RNF11: variants seen among roughly 807,000 people sequenced by gnomAD.
The protein encoded by RNF11 is ring finger protein 11.
Under a neutral mutation model 15.8 loss-of-function variants are expected in RNF11, and 4 were observed. The observed-to-expected ratio is 0.25, with a 90% confidence interval of 0.12 to 0.58. The LOEUF (loss-of-function observed/expected upper bound fraction) is 0.58. Ranked by LOEUF, RNF11 falls within the 20% of genes least tolerant of loss-of-function variation. The pLI is 0.91. For missense variants in RNF11, 139 were observed against 194.4 expected (o/e 0.71, Z 1.70); for synonymous variants, 68 against 72.3 (o/e 0.94, Z 0.30).
chr1:51,260,563 C>A (rs950198745), intron 1 of RNF11, among the ~76,000 whole-genome samples: 1 of 152,122 alleles, frequency 6.6e-6, no homozygotes, highest in African/African-American at 2.4e-5. Flanking sequence ...TTATTAGATA[C>A]GTTATTATAC....
At chr1:51,241,325 C>G (rs1035778143) in intron 1 of RNF11, among the ~76,000 whole-genome samples, 7 of 152,150 alleles carry the variant, frequency 4.6e-5, no homozygotes, top group African/African-American at 1.7e-4. Context: ...AGGGCAGTAG[C>G]TATTCACAGG....
intron 2 of RNF11, 72 bp downstream of exon 2, chr1:51,270,197 C>T: frequency 8.8e-7 from 1 of 1,141,226 alleles, no homozygotes; most frequent in Non-Finnish European, 1.3e-6. Flanking sequence ...GCCTTTTCTC[C>T]TGCACTTTAG....
At chr1:51,257,940 G>A (rs1646912872) in intron 1 of RNF11, among the ~76,000 whole-genome samples, 1 of 130,404 alleles carries the variant, frequency 7.7e-6, no homozygotes, top group African/African-American at 2.9e-5. Flanking sequence ...TGAAACCTCC[G>A]CCTCCCAGGG....
At chr1:51,236,900 G>C (rs146277042) in intron 1 of RNF11, 21 bp downstream of exon 1, 58 of 1,598,638 alleles carry the variant, frequency 3.6e-5, no homozygotes, top group African/African-American at 9.4e-5. Flanking sequence ...GTGTGTGTTG[G>C]GGGGAGCGAG....
intron 1 of RNF11, among the ~76,000 whole-genome samples, chr1:51,268,762 T>C (rs933781432): frequency 2.0e-5 from 3 of 152,174 alleles, no homozygotes; most frequent in African/African-American, 7.2e-5. Flanking sequence ...CTGGAAATGG[T>C]AATTCAAGGG....
At position 51,273,193 on chromosome 1, in the gene RNF11, T is replaced by G. The variant is rs758585865; in HGVS notation, c.*1871T>G. ...ACATAATGTCTGTGTCATCAAGTAT[T>G]ATAGTCAGACTTTTCTTTTTTTCTA... On this transcript the variant is annotated 3_prime_UTR_variant, in exon 3 of 3. Transcript: ENST00000242719. 33 of 152,186 alleles carry G rather than the reference T, an allele frequency of 2.2e-4. No homozygotes were observed. The highest frequency in any genetic ancestry group is 4.0e-4 in the Non-Finnish European group (27 of 68,004). The allele number at this position is 152,186 out of a possible 1,614,324, so 9.4% of individuals were successfully genotyped here. A position where few individuals can be genotyped will look rare whatever the true frequency, so the allele number is the denominator to read the frequency against.
intron 1 of RNF11, among the ~76,000 whole-genome samples, chr1:51,239,944 T>A (rs924735555): frequency 2.0e-5 from 3 of 152,180 alleles, no homozygotes; most frequent in African/African-American, 7.2e-5. Context: ...TTAAAGTAAA[T>A]CCCTGCACCA....
chr1:51,246,403 C>T (rs1646851765), intron 1 of RNF11, among the ~76,000 whole-genome samples: 2 of 151,748 alleles, frequency 1.3e-5, no homozygotes, highest in Admixed American at 1.3e-4. Flanking sequence ...AGCGAGATCT[C>T]GTCTCTACAA....
rs1213651835 is a variant in RNF11, at chr1:51,271,461, G to A, written c.*139G>A. 1.4e-5 allele frequency: 9 copies of A among 628,274 alleles called. No individual in the cohort carries two copies. Among genetic ancestry groups the A allele is most frequent in the Admixed American group, 3.1e-5 (1 of 32,596 alleles). 38.9% of individuals were successfully genotyped at this position (628,274 alleles called of 1,614,324 possible). ...TTAAAATTCCTGGATGGCTGCAGAT[G>A]TTGGGGGAAAAAGTACGTGATATTT... On this transcript the variant is annotated 3_prime_UTR_variant, in exon 3 of 3. Transcript: ENST00000242719.
chr1:51,255,159 G>A (rs1646898784), intron 1 of RNF11, among the ~76,000 whole-genome samples: 1 of 152,032 alleles, frequency 6.6e-6, no homozygotes, highest in South Asian at 2.1e-4. Flanking sequence ...TATATAATAT[G>A]TATATATATG....
intron 1 of RNF11, among the ~76,000 whole-genome samples, chr1:51,254,350 C>T (rs1215633095): frequency 1.3e-5 from 2 of 151,992 alleles, no homozygotes; most frequent in African/African-American, 4.8e-5. Context: ...TACATTGGCA[C>T]GATCTCCACT....
intron 1 of RNF11, among the ~76,000 whole-genome samples, chr1:51,254,090 A>G (rs919828053): frequency 5.3e-5 from 8 of 152,250 alleles, no homozygotes; most frequent in East Asian, 1.9e-4. Flanking sequence ...TCCACAATAA[A>G]GCATACCTCT....
chr1:51,271,513 G>T lies in RNF11; in HGVS notation c.*191G>T. On this transcript the variant is annotated 3_prime_UTR_variant, in exon 3 of 3. Transcript: ENST00000242719. ...AGAAACTTAGTGGGAAAAGTAGGAT[G>T]GTATTTTTATGTAAAGCCTTGACCC... The T allele has an allele frequency of 2.0e-6, 1 of 508,174 alleles. No individual in the cohort carries two copies. The highest frequency in any genetic ancestry group is 3.2e-5 in the South Asian group (1 of 30,906). The allele number at this position is 508,174 out of a possible 1,614,324, so 31.5% of individuals were successfully genotyped here. A position where few individuals can be genotyped will look rare whatever the true frequency, so the allele number is the denominator to read the frequency against.
intron 1 of RNF11, among the ~76,000 whole-genome samples, chr1:51,263,027 G>A (rs1376842357): frequency 1.3e-5 from 2 of 151,974 alleles, no homozygotes; most frequent in Non-Finnish European, 2.9e-5. Flanking sequence ...TTTTTAAAAT[G>A]CACACTTCAT....
rs1646981207 is a variant in RNF11, at chr1:51,271,978, TCTC to T, written c.*659_*661del. ...TTAGGAAATGCAGAATTCAAAGTGA[TCTC>T]CTAGCTTGTAAGCAAACTGAGATGC... On this transcript the variant is annotated 3_prime_UTR_variant, in exon 3 of 3. Transcript: ENST00000242719. The T allele has an allele frequency of 1.3e-5, 2 of 152,614 alleles. No individual in the cohort carries two copies. Among genetic ancestry groups the T allele is most frequent in the Admixed American group, 6.5e-5 (1 of 15,270 alleles). The allele number at this position is 152,614 out of a possible 1,614,324, so 9.5% of individuals were successfully genotyped here.
chr1:51,248,902 A>G (rs1401696325), intron 1 of RNF11, among the ~76,000 whole-genome samples: 2 of 152,246 alleles, frequency 1.3e-5, no homozygotes, highest in Non-Finnish European at 2.9e-5. Flanking sequence ...TTGGGAAAGA[A>G]AACAATAAAA....
chr1:51,257,286 G>C (rs949593030), intron 1 of RNF11, among the ~76,000 whole-genome samples: 1 of 152,186 alleles, frequency 6.6e-6, no homozygotes, highest in African/African-American at 2.4e-5. Flanking sequence ...ATTAGGAGCA[G>C]AATGCTCTGG....
chr1:51,256,249 C>T (rs1369469724), intron 1 of RNF11, among the ~76,000 whole-genome samples: 1 of 152,194 alleles, frequency 6.6e-6, no homozygotes, highest in African/African-American at 2.4e-5. Flanking sequence ...CACCTGACAA[C>T]CACTGATGGT....
chr1:51,254,103 G>A (rs1002530714), intron 1 of RNF11, among the ~76,000 whole-genome samples: 2 of 152,184 alleles, frequency 1.3e-5, no homozygotes, highest in Non-Finnish European at 2.9e-5. Context: ...ATACCTCTTT[G>A]GTGACCAAAA....
Sources: allele counts gnomAD v4.1 joint callset (sites outside exome capture counted in the v4.1 genomes callset), GRCh38; gene constraint gnomAD v4.1.1; transcripts MANE v1.5; gene names NCBI Gene and HGNC (gene_info 2026-07-23, HGNC 2026-07-21).